Variants in GLIS3 observed in about 807,000 individuals in gnomAD.
The protein encoded by GLIS3 is GLIS family zinc finger 3.
In GLIS3, 53 loss-of-function variants were observed where a neutral mutation model predicts 78.6. The ratio of observed to expected loss-of-function variants is 0.67; its 90% confidence interval spans 0.54 to 0.85. GLIS3 has a LOEUF of 0.85. Among genes scored for constraint, GLIS3 ranks in the 40% least tolerant of loss-of-function variants. The probability of loss-of-function intolerance (pLI) is 0.00; values close to 1 mark genes in which losing one functional copy is unlikely to be tolerated. For missense variants in GLIS3, 1,703 were observed against 1,231.1 expected (o/e 1.38, Z -5.74); for synonymous variants, 684 against 509.9 (o/e 1.34, Z -4.60).
intron 2 of GLIS3, among the ~76,000 whole-genome samples, chr9:4,331,951 A>G (rs903168812): frequency 2.6e-5 from 4 of 152,238 alleles, no homozygotes; most frequent in Non-Finnish European, 5.9e-5. Context: ...GAAAGATACC[A>G]GGGAGACTAA....
At chr9:4,214,217 T>C (rs1003364647) in intron 2 of GLIS3, among the ~76,000 whole-genome samples, 2 of 152,212 alleles carry the variant, frequency 1.3e-5, no homozygotes, top group African/African-American at 2.4e-5. Flanking sequence ...TCTCTGATCA[T>C]CTTGTCATAA....
chr9:4,285,477 G>A lies in GLIS3; in HGVS notation c.388+561C>T, dbSNP rs538777394. On this transcript the variant is annotated intron_variant, in intron 2 of 10. Coordinates refer to ENST00000381971, the MANE Select transcript of GLIS3 (RefSeq NM_001042413.2). ...TTCCCTTCTAGCTTGCTTCCCTCTT[G>A]CTACTAGCTATATGATAAAAATTAC... 2.0e-5 allele frequency: 3 copies of A among 152,138 alleles called. No homozygotes were observed. The South Asian group carries it at 6.2e-4, about 32-fold the overall frequency. The allele number at this position is 152,138 out of a possible 1,614,324, so 9.4% of individuals were successfully genotyped here.
the GLIS3 span, among the ~76,000 whole-genome samples, chr9:4,374,412 T>A: frequency 6.6e-6 from 1 of 152,224 alleles, no homozygotes; most frequent in Non-Finnish European, 1.5e-5. Flanking sequence ...TTATAGCATA[T>A]TTCAAAAGAA....
the GLIS3 span, among the ~76,000 whole-genome samples, chr9:4,391,420 T>C: frequency 6.6e-6 from 1 of 152,300 alleles, no homozygotes; most frequent in South Asian, 2.1e-4. Flanking sequence ...TTAATAACAG[T>C]AGACTTTTTT....
intron 4 of GLIS3, among the ~76,000 whole-genome samples, chr9:3,994,920 A>C (rs1049517834): frequency 6.6e-6 from 1 of 152,180 alleles, no homozygotes; most frequent in African/African-American, 2.4e-5. Flanking sequence ...CAAGCAAACA[A>C]AAAGCCCAGC....
intron 4 of GLIS3, among the ~76,000 whole-genome samples, chr9:4,018,998 G>C (rs1822655420): frequency 6.6e-6 from 1 of 152,226 alleles, no homozygotes. Flanking sequence ...GGTAACAGCA[G>C]TCACTTCACG....
intron 4 of GLIS3, among the ~76,000 whole-genome samples, chr9:4,053,705 T>TAAAAAAAAAAAAAAAAAAAAAAAAAAAAA (rs760535978): frequency 5.5e-5 from 5 of 91,144 alleles, no homozygotes; most frequent in African/African-American, 1.8e-4. Flanking sequence ...TCTTTCTTCA[T>TAAAAAAAAAAAAAAAAAAAAAAAAAAAAA]AAAAAAAAAA....
At chr9:4,309,732 A>G (rs752501939) in intron 3 of GLIS3, among the ~76,000 whole-genome samples, 1 of 152,162 alleles carries the variant, frequency 6.6e-6, no homozygotes, top group East Asian at 1.9e-4. Context: ...TTTATTTTTT[A>G]TCTTTACCAG....
the GLIS3 span, among the ~76,000 whole-genome samples, chr9:4,426,043 G>A: frequency 3.6e-4 from 55 of 152,076 alleles, no homozygotes; most frequent in African/African-American, 1.3e-3. Flanking sequence ...AAACACATAC[G>A]TTCATGCAAT....
chr9:4,262,813 C>T (rs1825647565), intron 2 of GLIS3, among the ~76,000 whole-genome samples: 1 of 151,378 alleles, frequency 6.6e-6, no homozygotes, highest in Admixed American at 6.6e-5. Flanking sequence ...GAAAGCCCAG[C>T]TTTTCACAGA....
intron 7 of GLIS3, among the ~76,000 whole-genome samples, chr9:3,884,528 T>TG (rs199701825): frequency 0.025 from 3,740 of 152,258 alleles, 177 homozygotes; most frequent in African/African-American, 0.086. Flanking sequence ...CACTAGGTCT[T>TG]GGGGGTGCTG....
At chr9:4,363,524 A>G in the GLIS3 span, among the ~76,000 whole-genome samples, 2 of 152,252 alleles carry the variant, frequency 1.3e-5, no homozygotes, top group African/African-American at 4.8e-5. Flanking sequence ...ATTAAACTTC[A>G]AACATATTTA....
chr9:4,382,540 T>A, the GLIS3 span, among the ~76,000 whole-genome samples: 1 of 152,148 alleles, frequency 6.6e-6, no homozygotes, highest in African/African-American at 2.4e-5. Flanking sequence ...GTTCTTTTGT[T>A]CTCTGACTTC....
chr9:3,916,878 C>T, intron 6 of GLIS3, among the ~76,000 whole-genome samples: 1 of 152,114 alleles, frequency 6.6e-6, no homozygotes, highest in Admixed American at 6.5e-5. Context: ...AATCCTTTTT[C>T]TTTGTCCTTT....
intron 4 of GLIS3, among the ~76,000 whole-genome samples, chr9:4,020,530 A>G (rs1013435881): frequency 2.0e-5 from 3 of 152,128 alleles, no homozygotes; most frequent in Non-Finnish European, 2.9e-5. Flanking sequence ...TGTGTTTTTC[A>G]TCCTTTCAAC....
At chr9:4,485,503 A>G in the GLIS3 span, among the ~76,000 whole-genome samples, 2 of 152,160 alleles carry the variant, frequency 1.3e-5, no homozygotes, top group Non-Finnish European at 2.9e-5. Flanking sequence ...AATCCTGACT[A>G]CCAAGTTATT....
intron 6 of GLIS3, among the ~76,000 whole-genome samples, chr9:3,915,494 T>A (rs780293163): frequency 6.6e-6 from 1 of 152,170 alleles, no homozygotes; most frequent in Non-Finnish European, 1.5e-5. Context: ...ACAGGTATTA[T>A]CAGCCTTGCA....
intron 4 of GLIS3, among the ~76,000 whole-genome samples, chr9:3,971,074 T>TGAAG: frequency 1.4e-5 from 1 of 72,618 alleles, no homozygotes; most frequent in East Asian, 3.1e-4. Flanking sequence ...AAGGATTAAT[T>TGAAG]GAAGGAAGGA....
intron 5 of GLIS3, among the ~76,000 whole-genome samples, chr9:3,936,753 C>A (rs1825920826): frequency 6.6e-6 from 1 of 152,306 alleles, no homozygotes; most frequent in East Asian, 1.9e-4. Context: ...TACATGACAG[C>A]CCCTAAACTG....
Sources: gnomAD v4.1 joint callset for allele counts (sites outside exome capture counted in the v4.1 genomes callset) on GRCh38, gnomAD v4.1.1 for gene constraint, MANE v1.5 for transcripts, NCBI Gene and HGNC (gene_info 2026-07-23, HGNC 2026-07-21) for gene names.